The following ADGRL3 variants were observed in gnomAD, a reference collection of about 807,000 sequenced individuals.
The protein encoded by ADGRL3 is calcium-independent alpha-latrotoxin receptor 3.
A neutral mutation model predicts 153.5 loss-of-function variants in ADGRL3; 62 were observed. The ratio of observed to expected loss-of-function variants is 0.40; its 90% confidence interval spans 0.33 to 0.50. The LOEUF is 0.50. ADGRL3 is among the 20% of genes least tolerant of loss of function. The pLI is 0.47. For missense variants in ADGRL3, 1,641 were observed against 1,859.4 expected, an observed-to-expected ratio of 0.88 and a Z score of 2.16; for synonymous variants, 710 against 672.5, an observed-to-expected ratio of 1.06 and a Z score of -0.86.
chr4:61,937,282 C>T (rs1280982263), intron 15 of ADGRL3, among the ~76,000 whole-genome samples: 1 of 152,134 alleles, frequency 6.6e-6, no homozygotes, highest in Non-Finnish European at 1.5e-5. Context: ...CCACTTCCTT[C>T]CTGCCTCATT....
At chr4:61,206,091 G>A (rs1002941502) in intron 1 of ADGRL3, among the ~76,000 whole-genome samples, 3 of 152,100 alleles carry the variant, frequency 2.0e-5, no homozygotes, top group Non-Finnish European at 4.4e-5. Flanking sequence ...TAAAAGGGGA[G>A]CGTTTCTATA....
chr4:61,400,881 C>T (rs953829492), intron 2 of ADGRL3, among the ~76,000 whole-genome samples: 4 of 150,386 alleles, frequency 2.7e-5, no homozygotes, highest in Admixed American at 2.0e-4. Flanking sequence ...TGGTATGTCA[C>T]GTGCTTGTGC....
At chr4:61,822,744 G>A (rs2097767236) in intron 9 of ADGRL3, among the ~76,000 whole-genome samples, 1 of 152,084 alleles carries the variant, frequency 6.6e-6, no homozygotes, top group African/African-American at 2.4e-5. Flanking sequence ...CATATTGGTT[G>A]TTAGTCAGTT....
intron 1 of ADGRL3, among the ~76,000 whole-genome samples, chr4:61,328,668 T>C (rs1467149415): frequency 6.6e-6 from 1 of 152,204 alleles, no homozygotes; most frequent in Non-Finnish European, 1.5e-5. Flanking sequence ...ACAAAGAAGC[T>C]TCAGATAAAA....
intron 17 of ADGRL3, among the ~76,000 whole-genome samples, chr4:61,971,126 T>C (rs1484161276): frequency 6.6e-6 from 1 of 151,884 alleles, no homozygotes; most frequent in Middle Eastern, 3.4e-3. Context: ...GGCAATTTAA[T>C]TTTTTAAATT....
intron 2 of ADGRL3, among the ~76,000 whole-genome samples, chr4:61,399,367 A>G (rs909964008): frequency 6.6e-6 from 1 of 151,774 alleles, no homozygotes; most frequent in Admixed American, 6.6e-5. Flanking sequence ...ACGTTAAGAT[A>G]CATCTTAAAA....
intron 26 of ADGRL3, among the ~76,000 whole-genome samples, chr4:62,068,606 C>T (rs1273053216): frequency 6.6e-6 from 1 of 152,134 alleles, no homozygotes; most frequent in Non-Finnish European, 1.5e-5. Flanking sequence ...TGTTTCAATG[C>T]ATCAGCCATC....
chr4:61,476,619 G>A (rs2098058906), intron 2 of ADGRL3, among the ~76,000 whole-genome samples: 1 of 134,242 alleles, frequency 7.4e-6, no homozygotes, highest in Admixed American at 8.6e-5. Flanking sequence ...TGAGACAAGA[G>A]AATCGCTTGA....
At chr4:61,316,448 G>A (rs966357358) in intron 1 of ADGRL3, among the ~76,000 whole-genome samples, 8 of 152,124 alleles carry the variant, frequency 5.3e-5, no homozygotes, top group Admixed American at 6.6e-5. Context: ...AGTAGTCATG[G>A]TTTTTGCCAT....
chr4:62,023,004 T>A (rs2099245109), intron 21 of ADGRL3, among the ~76,000 whole-genome samples: 1 of 146,242 alleles, frequency 6.8e-6, no homozygotes. Flanking sequence ...CCATAGATAG[T>A]GGTTCCTCTG....
chr4:61,583,681 C>CCT (rs1438717814), intron 4 of ADGRL3: 1 of 518,538 alleles, frequency 1.9e-6, no homozygotes, highest in Non-Finnish European at 3.9e-6. Flanking sequence ...TCCCTTCAGT[C>CCT]AGTCCTGTGG....
intron 6 of ADGRL3, among the ~76,000 whole-genome samples, chr4:61,727,194 GA>G (rs1181831847): frequency 2.0e-5 from 3 of 151,936 alleles, no homozygotes; most frequent in Admixed American, 2.0e-4. Flanking sequence ...AAATATAGAG[GA>G]AAATTTACTA....
chr4:61,368,849 T>A (rs2151653364), intron 1 of ADGRL3, among the ~76,000 whole-genome samples: 1 of 152,312 alleles, frequency 6.6e-6, no homozygotes, highest in Non-Finnish European at 1.5e-5. Context: ...TATTGATTCT[T>A]CCTACCCATG....
intron 1 of ADGRL3, among the ~76,000 whole-genome samples, chr4:61,261,403 T>G (rs945239975): frequency 7.2e-5 from 11 of 152,108 alleles, no homozygotes; most frequent in African/African-American, 2.4e-4. Flanking sequence ...TTTTTTCATT[T>G]GAGTGGGTTC....
intron 2 of ADGRL3, among the ~76,000 whole-genome samples, chr4:61,470,847 G>A (rs528649215): frequency 9.4e-4 from 142 of 151,818 alleles, no homozygotes; most frequent in African/African-American, 3.1e-3. Context: ...TTTACCACCC[G>A]AAGGAATTTT....
chr4:61,928,800 A>G (rs1323791182), intron 13 of ADGRL3, among the ~76,000 whole-genome samples: 4 of 152,144 alleles, frequency 2.6e-5, no homozygotes, highest in Admixed American at 6.5e-5. Flanking sequence ...TTGGGGAGAC[A>G]GGGCAAAAAT....
intron 11 of ADGRL3, among the ~76,000 whole-genome samples, chr4:61,906,715 CTT>C (rs397972603): frequency 5.6e-5 from 8 of 143,498 alleles, no homozygotes; most frequent in Admixed American, 7.0e-5. Context: ...TGATATTAAA[CTT>C]TTTTTTTTTT....
intron 24 of ADGRL3, among the ~76,000 whole-genome samples, chr4:62,038,288 A>G (rs975341227): frequency 5.9e-5 from 9 of 152,118 alleles, no homozygotes; most frequent in African/African-American, 2.2e-4. Flanking sequence ...AATAACTATG[A>G]CTCAACTATA....
intron 2 of ADGRL3, among the ~76,000 whole-genome samples, chr4:61,386,707 C>G (rs58345070): frequency 6.6e-6 from 1 of 152,158 alleles, no homozygotes; most frequent in African/African-American, 2.4e-5. Flanking sequence ...AAATGTATTA[C>G]TTTATCAGCA....
Sources: gnomAD v4.1 joint callset for allele counts (sites outside exome capture counted in the v4.1 genomes callset) on GRCh38, gnomAD v4.1.1 for gene constraint, MANE v1.5 for transcripts, NCBI Gene and HGNC (gene_info 2026-07-23, HGNC 2026-07-21) for gene names.